KLHL1: variants seen among roughly 807,000 people sequenced by gnomAD.
The protein encoded by KLHL1 is kelch-like protein 1.
A neutral mutation model predicts 77.7 loss-of-function variants in KLHL1; 47 were observed. The observed-to-expected ratio is 0.60, with a 90% CI of 0.48 to 0.77. The LOEUF is 0.77. Ranked by LOEUF, KLHL1 falls within the 30% of genes least tolerant of loss-of-function variation. KLHL1 has a pLI of 0.00. For synonymous variants in KLHL1, 360 were observed against 325.2 expected (o/e 1.11, Z -1.15); for missense variants, 925 against 910.8 (o/e 1.02, Z -0.20).
At chr13:70,051,716 C>T (rs1886634423) in intron 1 of KLHL1, among the ~76,000 whole-genome samples, 1 of 151,996 alleles carries the variant, frequency 6.6e-6, no homozygotes, top group Non-Finnish European at 1.5e-5. Flanking sequence ...GTGTGGATGA[C>T]TCAATTATAT....
At chr13:69,936,738 T>A (rs1266854693) in intron 4 of KLHL1, among the ~76,000 whole-genome samples, 1 of 152,042 alleles carries the variant, frequency 6.6e-6, no homozygotes, top group East Asian at 1.9e-4. Context: ...TAAACAGCCA[T>A]TGAAAAAACT....
At chr13:70,016,025 T>C (rs1430748317) in intron 1 of KLHL1, among the ~76,000 whole-genome samples, 1 of 152,196 alleles carries the variant, frequency 6.6e-6, no homozygotes, top group Non-Finnish European at 1.5e-5. Context: ...GATTAAAGGT[T>C]TTATAGCACA....
chr13:69,754,874 T>G lies in KLHL1; in HGVS notation c.1640-14318A>C, dbSNP rs367901235. Among the ~76,000 whole-genome samples, 237 of 152,312 alleles carry G rather than the reference T, an allele frequency of 1.6e-3. 2 individuals are homozygous for G. Among genetic ancestry groups the G allele is most frequent in the Non-Finnish European group, 2.6e-3 (179 of 68,026 alleles). ...TTAACACTCTGAACCTCAGCTTATC[T>G]GATGAAATTCCACTGTTCTTTCAGA... is the stretch of plus-strand genomic sequence containing the variant. On this transcript the variant is annotated intron_variant, in intron 7 of 10. Transcript: ENST00000377844.
chr13:69,995,661 C>T (rs961708102), intron 1 of KLHL1, among the ~76,000 whole-genome samples: 3 of 151,982 alleles, frequency 2.0e-5, no homozygotes, highest in African/African-American at 4.8e-5. Flanking sequence ...AAATGTGATC[C>T]CTGAATTGAA....
At chr13:70,055,537 T>C (rs1474457181) in intron 1 of KLHL1, among the ~76,000 whole-genome samples, 1 of 151,972 alleles carries the variant, frequency 6.6e-6, no homozygotes, top group Non-Finnish European at 1.5e-5. Flanking sequence ...AACACTAAGA[T>C]TGCATTAACT....
At chr13:70,083,432 C>A (rs906477387) in intron 1 of KLHL1, among the ~76,000 whole-genome samples, 2 of 152,104 alleles carry the variant, frequency 1.3e-5, no homozygotes, top group African/African-American at 2.4e-5. Flanking sequence ...AGCTGAATAG[C>A]CAGGACTGCA....
At chr13:70,078,424 G>C (rs1374652619) in intron 1 of KLHL1, among the ~76,000 whole-genome samples, 2 of 151,900 alleles carry the variant, frequency 1.3e-5, no homozygotes, top group Non-Finnish European at 2.9e-5. Flanking sequence ...TTTAATCATA[G>C]AAAACCTTCA....
At chr13:69,701,914 A>C (rs1875412998) in intron 10 of KLHL1, among the ~76,000 whole-genome samples, 153 bp from the exon 11 acceptor site, 1 of 151,838 alleles carries the variant, frequency 6.6e-6, no homozygotes, top group African/African-American at 2.4e-5. Flanking sequence ...AAAACACTGA[A>C]AATGGCATTT....
intron 7 of KLHL1, among the ~76,000 whole-genome samples, chr13:69,771,104 C>A (rs752620772): frequency 6.6e-6 from 1 of 152,172 alleles, no homozygotes; most frequent in Admixed American, 6.5e-5. Flanking sequence ...CTTTACCAAC[C>A]TTTTCTTCTC....
intron 5 of KLHL1, among the ~76,000 whole-genome samples, chr13:69,856,519 T>C (rs937358339): frequency 1.3e-5 from 2 of 152,050 alleles, no homozygotes; most frequent in African/African-American, 2.4e-5. Flanking sequence ...AAATCGCAGA[T>C]CCTTACAATT....
Position 69,740,478 on chromosome 13 carries a change from C to T in KLHL1, c.1718G>A (p.Trp573Ter), listed in dbSNP as rs866685898. The T allele has an allele frequency of 3.1e-6, 5 of 1,612,884 alleles. No individual in the cohort carries two copies. Among genetic ancestry groups the T allele is most frequent in the Non-Finnish European group, 4.2e-6 (5 of 1,179,130 alleles). ...GWSYLNTVER[W>*]DPQSQQWTFV... Reference sequence around the variant, plus strand: ...TGTCCATTGTTGACTCTGTGGATCCCACCTTTCCACTGTATTCAGATAGCT... The same window carrying T: ...TGTCCATTGTTGACTCTGTGGATCCTACCTTTCCACTGTATTCAGATAGCT... The change falls in exon 8 of 11, where the codon TGG becomes TAG. Residue 573 changes from tryptophan (W) to a stop codon, truncating the protein, a stop_gained. Coordinates refer to ENST00000377844, the MANE Select transcript of KLHL1 (RefSeq NM_020866.3). LOFTEE classifies it high-confidence loss of function.
intron 4 of KLHL1, among the ~76,000 whole-genome samples, chr13:69,920,298 C>A (rs796887626): frequency 2.0e-5 from 3 of 151,920 alleles, no homozygotes; most frequent in African/African-American, 7.2e-5. Flanking sequence ...AATCTTATAG[C>A]ATCATTTTAA....
At chr13:69,724,818 TGGATA>T (rs1381390155) in intron 8 of KLHL1, among the ~76,000 whole-genome samples, 5 of 152,104 alleles carry the variant, frequency 3.3e-5, no homozygotes, top group Admixed American at 6.6e-5. Flanking sequence ...TCAACAAGCT[TGGATA>T]GGAAGAAATG....
chr13:69,975,525 A>T, intron 2 of KLHL1, 95 bp downstream of exon 2: 1 of 1,006,084 alleles, frequency 9.9e-7, no homozygotes, highest in Non-Finnish European at 1.4e-6. Flanking sequence ...GTGAATCCTT[A>T]TTTCTGTAGT....
chr13:69,885,161 C>T (rs899104465), intron 4 of KLHL1, among the ~76,000 whole-genome samples: 3 of 136,076 alleles, frequency 2.2e-5, no homozygotes, highest in South Asian at 2.1e-4. Context: ...AGGATGGTCT[C>T]GATCTCCTGA....
chr13:69,939,950 T>TA (rs1196778557), intron 4 of KLHL1, 90 bp downstream of exon 4: 123 of 1,005,868 alleles, frequency 1.2e-4, no homozygotes, highest in Non-Finnish European at 1.6e-4. Context: ...ATTTTAAACT[T>TA]AAAAAACTTG....
intron 1 of KLHL1, among the ~76,000 whole-genome samples, chr13:69,981,484 T>A (rs144581433): frequency 0.011 from 1,637 of 152,062 alleles, 28 homozygotes; most frequent in Middle Eastern, 0.073. Context: ...CTTACATACA[T>A]AGATCTTAGA....
chr13:69,801,583 T>C (rs1566270475), intron 6 of KLHL1, among the ~76,000 whole-genome samples: 1 of 152,054 alleles, frequency 6.6e-6, no homozygotes. Flanking sequence ...TTTAATAAAA[T>C]CTAAAAGAAT....
chr13:69,736,587 C>G (rs1487840308), intron 8 of KLHL1, among the ~76,000 whole-genome samples: 1 of 152,068 alleles, frequency 6.6e-6, no homozygotes, highest in South Asian at 2.1e-4. Context: ...GATACTTGCA[C>G]ATGCCTGTTT....
Sources: allele counts gnomAD v4.1 joint callset (sites outside exome capture counted in the v4.1 genomes callset), GRCh38; gene constraint gnomAD v4.1.1; transcripts MANE v1.5; gene names NCBI Gene and HGNC (gene_info 2026-07-23, HGNC 2026-07-21).